The following FHIT variants were observed in gnomAD, a reference collection of about 807,000 sequenced individuals.
The protein encoded by FHIT is fragile histidine triad diadenosine triphosphatase, also known as bis(5'-adenosyl)-triphosphatase.
In FHIT, 19 loss-of-function variants were observed where a neutral mutation model predicts 17.9. That is an observed-to-expected ratio of 1.06 (90% CI 0.74 to 1.56). The LOEUF (loss-of-function observed/expected upper bound fraction) is 1.56, where lower values mean the gene tolerates loss of function less well. Ranked by LOEUF, FHIT falls within the 40% of genes most tolerant of loss-of-function variation. FHIT has a pLI of 0.00. For synonymous variants in FHIT, 81 were observed against 69.7 expected, an observed-to-expected ratio of 1.16 and a Z score of -0.81; for missense variants, 248 against 189.2, an observed-to-expected ratio of 1.31 and a Z score of -1.82.
rs142415382 is a variant in FHIT at position 60,247,424 on chromosome 3, T to TGATGAAGATGAA, written c.104-233284_104-233273dup. Among the ~76,000 whole-genome samples the TGATGAAGATGAA allele has an allele frequency of 1.5e-3, 221 of 151,252 alleles. 4 individuals carry two copies. The East Asian group carries it at 0.032, about 22-fold the overall frequency. The stretch of plus-strand genomic sequence containing the variant: ...AAGAAAGAAAGAAGAAGGAAGAAGA[T>TGATGAAGATGAA]GATGAAGATGAAGATGAAGATGAAG... On this transcript the variant is annotated intron_variant, in intron 5 of 9. Transcript: ENST00000492590.
At chr3:59,795,376 C>A (rs1440978152) in intron 8 of FHIT, among the ~76,000 whole-genome samples, 1 of 125,704 alleles carries the variant, frequency 8.0e-6, no homozygotes, top group African/African-American at 2.6e-5. Context: ...AGAGCAAGAC[C>A]CTGTCTCGAA....
chr3:60,161,837 G>C (rs1700955416), intron 5 of FHIT, among the ~76,000 whole-genome samples: 1 of 152,144 alleles, frequency 6.6e-6, no homozygotes, highest in African/African-American at 2.4e-5. Context: ...ATGTGCATCA[G>C]GCTCGATGGT....
chr3:60,211,391 T>C (rs957189732), intron 5 of FHIT, among the ~76,000 whole-genome samples: 1 of 152,104 alleles, frequency 6.6e-6, no homozygotes, highest in Non-Finnish European at 1.5e-5. Flanking sequence ...ATAGAAGTTA[T>C]ACTACTTTGA....
chr3:60,917,029 C>A (rs545625905), intron 3 of FHIT, among the ~76,000 whole-genome samples: 7 of 152,282 alleles, frequency 4.6e-5, no homozygotes, highest in Middle Eastern at 3.4e-3. Context: ...GCCATGGGAA[C>A]ACATTCTTGC....
intron 3 of FHIT, among the ~76,000 whole-genome samples, chr3:60,927,756 C>T (rs556859454): frequency 1.9e-4 from 29 of 151,926 alleles, no homozygotes; most frequent in Non-Finnish European, 2.6e-4. Context: ...GCAGCCGCCC[C>T]GCCTGGGAGG....
intron 5 of FHIT, among the ~76,000 whole-genome samples, chr3:60,353,636 T>G (rs947208576): frequency 3.8e-4 from 58 of 152,226 alleles, no homozygotes; most frequent in African/African-American, 1.3e-3. Context: ...TAAACATCTA[T>G]GCAAACATAG....
intron 4 of FHIT, among the ~76,000 whole-genome samples, chr3:60,790,029 T>C (rs1188159839): frequency 6.6e-6 from 1 of 152,170 alleles, no homozygotes; most frequent in Non-Finnish European, 1.5e-5. Context: ...TTAAAGACAA[T>C]TTACATATAA....
intron 4 of FHIT, among the ~76,000 whole-genome samples, chr3:60,783,037 T>TA (rs1437882040): frequency 1.3e-5 from 2 of 152,262 alleles, no homozygotes; most frequent in Non-Finnish European, 2.9e-5. Context: ...GGCTGATGTG[T>TA]AGTGGCACAA....
At chr3:60,537,499 T>C in intron 4 of FHIT, 1 of 977,188 alleles carries the variant, frequency 1.0e-6, no homozygotes, top group Non-Finnish European at 1.2e-6. Flanking sequence ...TCCAGAGAAC[T>C]ATTCTAGTAA....
intron 5 of FHIT, among the ~76,000 whole-genome samples, chr3:60,070,987 T>C (rs556238975): frequency 3.9e-5 from 6 of 152,254 alleles, no homozygotes; most frequent in Non-Finnish European, 8.8e-5. Flanking sequence ...TTTTTCACTC[T>C]CTTTAGAAGA....
At chr3:61,051,933 C>T (rs928980455) in intron 2 of FHIT, among the ~76,000 whole-genome samples, 1 of 152,136 alleles carries the variant, frequency 6.6e-6, no homozygotes, top group Non-Finnish European at 1.5e-5. Context: ...TAGTAATTTC[C>T]ACACACCATC....
intron 5 of FHIT, among the ~76,000 whole-genome samples, chr3:60,413,177 A>T (rs972562963): frequency 8.5e-5 from 13 of 152,196 alleles, no homozygotes; most frequent in African/African-American, 3.1e-4. Flanking sequence ...TACATACAGC[A>T]ATTAATTTTC....
intron 3 of FHIT, among the ~76,000 whole-genome samples, chr3:60,987,169 T>C (rs1710753452): frequency 2.0e-5 from 3 of 152,184 alleles, no homozygotes; most frequent in Admixed American, 6.5e-5. Flanking sequence ...AATAGGCATC[T>C]CAGAGCTAGT....
At chr3:60,570,963 T>A (rs898968789) in intron 4 of FHIT, among the ~76,000 whole-genome samples, 12 of 151,964 alleles carry the variant, frequency 7.9e-5, no homozygotes, top group Non-Finnish European at 1.6e-4. Flanking sequence ...TAAGGGACAT[T>A]GTAAGAGCAA....
intron 4 of FHIT, among the ~76,000 whole-genome samples, chr3:60,590,265 T>C (rs1416640158): frequency 6.6e-6 from 1 of 152,052 alleles, no homozygotes; most frequent in East Asian, 1.9e-4. Context: ...TCAAATGACA[T>C]CTACTCACAG....
intron 3 of FHIT, among the ~76,000 whole-genome samples, chr3:60,835,252 T>C (rs564688166): frequency 1.6e-3 from 7 of 4,496 alleles, no homozygotes; most frequent in Non-Finnish European, 0.014. Flanking sequence ...GTCATCTATA[T>C]ATGAAAAAAT....
At chr3:60,268,469 T>C (rs1189611498) in intron 5 of FHIT, among the ~76,000 whole-genome samples, 1 of 152,152 alleles carries the variant, frequency 6.6e-6, no homozygotes, top group African/African-American at 2.4e-5. Context: ...AACCCTAAAA[T>C]TGGACTAGGC....
intron 3 of FHIT, among the ~76,000 whole-genome samples, chr3:60,953,813 G>A (rs1234123447): frequency 2.0e-5 from 3 of 152,178 alleles, no homozygotes; most frequent in Non-Finnish European, 4.4e-5. Flanking sequence ...AAGACGAGAA[G>A]GGTGCCAGAT....
intron 1 of FHIT, among the ~76,000 whole-genome samples, chr3:61,211,890 C>G (rs965568479): frequency 6.6e-6 from 1 of 152,204 alleles, no homozygotes; most frequent in Non-Finnish European, 1.5e-5. Context: ...GATACCCAGG[C>G]AAACAGAGTC....
Sources: gnomAD v4.1 joint callset for allele counts (sites outside exome capture counted in the v4.1 genomes callset) on GRCh38, gnomAD v4.1.1 for gene constraint, MANE v1.5 for transcripts, NCBI Gene and HGNC (gene_info 2026-07-23, HGNC 2026-07-21) for gene names.